The following DEAF1 variants were observed in gnomAD, a reference collection of about 807,000 sequenced individuals.
DEAF1 encodes the protein deformed epidermal autoregulatory factor 1 homolog.
Under a neutral mutation model 58.9 loss-of-function variants are expected in DEAF1, and 53 were observed. The ratio of observed to expected loss-of-function variants is 0.90; its 90% confidence interval spans 0.72 to 1.13. DEAF1 has a LOEUF of 1.13. DEAF1 is among the 50% of genes most tolerant of loss of function. The probability of loss-of-function intolerance (pLI) is 0.00; values close to 1 mark genes in which losing one functional copy is unlikely to be tolerated. For missense variants in DEAF1, 685 were observed against 791.4 expected, an observed-to-expected ratio of 0.87 and a Z score of 1.61; for synonymous variants, 385 against 340.4, an observed-to-expected ratio of 1.13 and a Z score of -1.44.
chr11:681,163 G>C, intron 6 of DEAF1, 74 bp from the exon 7 acceptor site: 1 of 1,604,942 alleles, frequency 6.2e-7, no homozygotes, highest in Non-Finnish European at 8.5e-7. Context: ...TCCTCCTTAA[G>C]TGGGGGCACC....
rs1349197940 is a variant in DEAF1 at position 706,517 on chromosome 11, C to T, written c.-438+55G>A. On this transcript the variant is annotated intron_variant, in intron 1 of 11. Transcript: ENST00000683307. ...TGCAGCCCGGCCTGCCCCCGTCGGTCCTGGGCGGCGGCCGGCGAGCAAGGA... is the reference window on the plus strand; with the variant it reads ...TGCAGCCCGGCCTGCCCCCGTCGGTTCTGGGCGGCGGCCGGCGAGCAAGGA... 2.0e-5 allele frequency: 3 copies of T among 152,600 alleles called. 1 individual carries two copies. The highest frequency in any genetic ancestry group is 4.8e-5 in the African/African-American group (2 of 41,474). 9.5% of individuals were successfully genotyped at this position (152,600 alleles called of 1,614,324 possible). A position where few individuals can be genotyped will look rare whatever the true frequency, so the allele number is the denominator to read the frequency against.
At chr11:653,523 C>T (rs1858892352) in intron 11 of DEAF1, among the ~76,000 whole-genome samples, 1 of 142,500 alleles carries the variant, frequency 7.0e-6, no homozygotes, top group Non-Finnish European at 1.5e-5. Context: ...GTGTGGAGGG[C>T]TCAATAATAG....
rs201460450 is a variant in DEAF1 at position 680,914 on chromosome 11, T to C, written c.997+49A>G. The C allele has an allele frequency of 1.2e-3, 1,878 of 1,613,614 alleles. 5 individuals carry two copies. The highest frequency in any genetic ancestry group is 1.4e-3 in the Non-Finnish European group (1,649 of 1,179,738). On this transcript the variant is annotated intron_variant, in intron 7 of 11. Coordinates refer to ENST00000382409, the MANE Select transcript of DEAF1 (RefSeq NM_021008.4). ...TGGGAGTGGTGACGAGAGAAGGCAA[T>C]GCACTCAGGTCCCCTCAGTAAACTA...
At chr11:653,852 G>A in intron 11 of DEAF1, 110 bp downstream of exon 11, 1 of 936,532 alleles carries the variant, frequency 1.1e-6, no homozygotes, top group Admixed American at 1.7e-5. Flanking sequence ...GAGGGACAGG[G>A]AGGGGAGTCA....
intron 5 of DEAF1, 128 bp from the exon 6 acceptor site, chr11:685,091 T>TTC: frequency 1.2e-6 from 1 of 813,894 alleles, no homozygotes. Context: ...TCTTTTTTTT[T>TTC]TTTTTTTTTT....
At position 644,872 on chromosome 11, in the gene DEAF1, C is replaced by G. The variant is rs371917480; in HGVS notation, c.1594-218G>C. Among the ~76,000 whole-genome samples, 42 of 152,270 alleles carry G rather than the reference C, an allele frequency of 2.8e-4. No individual in the cohort carries two copies. In the East Asian group the frequency reaches 4.4e-3, roughly 16 times the overall value. Reference sequence around the variant, plus strand: ...TGGTTTGAGGAATTGGATCAAAAGGCAAACAACAGGCAGGGCACGGTGGCT... The same window carrying G: ...TGGTTTGAGGAATTGGATCAAAAGGGAAACAACAGGCAGGGCACGGTGGCT... On this transcript the variant is annotated intron_variant, in intron 11 of 11. Transcript: ENST00000382409. This position sits in a 1 kb window ranked among gnomAD's most constrained non-coding sequence, Gnocchi z 4.3.
chr11:700,792 G>A (rs759353427), intron 1 of DEAF1: 8 of 1,297,816 alleles, frequency 6.2e-6, no homozygotes, highest in Non-Finnish European at 9.0e-6. Flanking sequence ...TTATTTTATA[G>A]TGTGGTTCTC....
At chr11:669,561 G>C (rs1859712168) in intron 10 of DEAF1, among the ~76,000 whole-genome samples, 1 of 151,920 alleles carries the variant, frequency 6.6e-6, no homozygotes, top group South Asian at 2.1e-4. Context: ...TCTTGAACCT[G>C]GGAGGTGGAG....
At position 694,754 on chromosome 11, in the gene DEAF1, C is replaced by G; in HGVS notation, c.289+5G>C. The G allele has an allele frequency of 7.7e-7, 1 of 1,295,136 alleles. No individual in the cohort carries two copies. Among genetic ancestry groups the G allele is most frequent in the Non-Finnish European group, 9.7e-7 (1 of 1,026,502 alleles). 80.2% of individuals were successfully genotyped at this position (1,295,136 alleles called of 1,614,324 possible). A position where few individuals can be genotyped will look rare whatever the true frequency, so the allele number is the denominator to read the frequency against. On this transcript the variant is annotated splice_donor_5th_base_variant and intron_variant, in intron 1 of 11. Coordinates refer to ENST00000382409, the MANE Select transcript of DEAF1 (RefSeq NM_021008.4). ...ACGAGGCGAGAGGCCGGCGGGCGCA[C>G]TTGCCTGCGAAGGCTGCGGCAGCGG...
intron 10 of DEAF1, among the ~76,000 whole-genome samples, chr11:670,578 G>C (rs189614741): frequency 4.7e-4 from 71 of 151,534 alleles, no homozygotes; most frequent in African/African-American, 1.5e-3. Flanking sequence ...AGCTGGGCGT[G>C]GTTGCACATA....
intron 11 of DEAF1, among the ~76,000 whole-genome samples, chr11:649,546 C>G (rs554215219): frequency 6.6e-6 from 1 of 151,856 alleles, no homozygotes; most frequent in South Asian, 2.1e-4. Context: ...ATGGTGAAAC[C>G]CTGTGTCTAC....
At chr11:662,374 C>T (rs992735361) in intron 10 of DEAF1, among the ~76,000 whole-genome samples, 1 of 152,206 alleles carries the variant, frequency 6.6e-6, no homozygotes, top group African/African-American at 2.4e-5. Context: ...TTGGACACCC[C>T]GGCATAAAGC....
intron 9 of DEAF1, among the ~76,000 whole-genome samples, chr11:675,826 G>C (rs538164325): frequency 6.6e-6 from 1 of 151,836 alleles, no homozygotes; most frequent in African/African-American, 2.4e-5. Flanking sequence ...TCTCAAAAAA[G>C]AAAAGAAAAG....
intron 1 of DEAF1, among the ~76,000 whole-genome samples, chr11:702,342 G>C (rs1192268758): frequency 6.6e-6 from 1 of 152,240 alleles, no homozygotes; most frequent in Non-Finnish European, 1.5e-5. Flanking sequence ...GTTCTTGGCT[G>C]ATCTTCTGGG....
rs1861067276 is a variant in DEAF1, at chr11:695,175, T to C, written c.-128A>G. The C allele has an allele frequency of 4.7e-6, 4 of 850,142 alleles. No homozygotes were observed. Among genetic ancestry groups the C allele is most frequent in the East Asian group, 4.1e-5 (1 of 24,112 alleles). The allele number at this position is 850,142 out of a possible 1,614,324, so 52.7% of individuals were successfully genotyped here. A position where few individuals can be genotyped will look rare whatever the true frequency, so the allele number is the denominator to read the frequency against. ...AGGCCGCCCGAAGCCGCCGCCCGAA[T>C]AGGGACCGAAAAGGCAGCCAGCCGC... On this transcript the variant is annotated 5_prime_UTR_variant, in exon 1 of 12. Transcript: ENST00000382409.
intron 1 of DEAF1, among the ~76,000 whole-genome samples, chr11:701,281 G>A (rs1219658524): frequency 2.0e-5 from 3 of 151,978 alleles, no homozygotes; most frequent in Non-Finnish European, 4.4e-5. Context: ...CTGGGCTTGA[G>A]CGATCCTCCT....
chr11:647,433 T>C (rs1281930896), intron 11 of DEAF1, among the ~76,000 whole-genome samples: 1 of 152,082 alleles, frequency 6.6e-6, no homozygotes, highest in African/African-American at 2.4e-5. Flanking sequence ...CCAGCCTGGG[T>C]GACAGAGCCA....
Position 644,515 on chromosome 11 carries a change from G to C in DEAF1, c.*35C>G, listed in dbSNP as rs749882867. 1 of 1,575,606 alleles carries C rather than the reference G, an allele frequency of 6.3e-7. No homozygotes were observed. Among genetic ancestry groups the C allele is most frequent in the Admixed American group, 1.7e-5 (1 of 59,260 alleles). On this transcript the variant is annotated 3_prime_UTR_variant, in exon 12 of 12. Coordinates refer to ENST00000382409, the MANE Select transcript of DEAF1 (RefSeq NM_021008.4). The surrounding 1 kb of genome is among the most constrained non-coding windows in gnomAD (Gnocchi z 4.3). ...ACCTGCAAAAGCCTCACAGGAGTGCGAGGGGCCCCAGCTCCCAGGGCGGCC... is the reference window on the plus strand; with the variant it reads ...ACCTGCAAAAGCCTCACAGGAGTGCCAGGGGCCCCAGCTCCCAGGGCGGCC...
At chr11:689,038 C>T (rs1860715188) in intron 2 of DEAF1, among the ~76,000 whole-genome samples, 1 of 152,144 alleles carries the variant, frequency 6.6e-6, no homozygotes. Context: ...CCAAGTCATC[C>T]GGCAAACTCT....
Sources: allele counts gnomAD v4.1 joint callset (sites outside exome capture counted in the v4.1 genomes callset), GRCh38; gene constraint gnomAD v4.1.1; non-coding constraint Gnocchi (gnomAD v3.1); transcripts MANE v1.5; gene names NCBI Gene and HGNC (gene_info 2026-07-23, HGNC 2026-07-21).